CWC27: variants seen among roughly 807,000 people sequenced by gnomAD.
CWC27 encodes the protein spliceosome-associated protein CWC27 homolog.
In CWC27, 47 loss-of-function variants were observed where a neutral mutation model predicts 63.6. That is an observed-to-expected ratio of 0.74 (90% CI 0.58 to 0.94). The LOEUF is 0.94. Ranked by LOEUF, CWC27 falls within the 40% of genes least tolerant of loss-of-function variation. The probability of loss-of-function intolerance (pLI) is 0.00; values close to 1 mark genes in which losing one functional copy is unlikely to be tolerated. For missense variants in CWC27, 495 were observed against 554.3 expected (o/e 0.89, Z 1.07); for synonymous variants, 175 against 179.8 (o/e 0.97, Z 0.22).
At chr5:64,958,447 A>G (rs1281472907) in intron 11 of CWC27, among the ~76,000 whole-genome samples, 1 of 152,198 alleles carries the variant, frequency 6.6e-6, no homozygotes, top group African/African-American at 2.4e-5. Context: ...AGAACTTCAC[A>G]GTACTCAAAT....
intron 11 of CWC27, among the ~76,000 whole-genome samples, chr5:64,914,493 A>G (rs181699026): frequency 3.2e-4 from 48 of 152,274 alleles, no homozygotes; most frequent in Non-Finnish European, 6.0e-4. Context: ...GCGCTTCACA[A>G]AGGAAAATAT....
At chr5:64,847,861 C>T (rs924241736) in intron 10 of CWC27, among the ~76,000 whole-genome samples, 36 of 151,048 alleles carry the variant, frequency 2.4e-4, no homozygotes, top group South Asian at 4.2e-4. Context: ...CTAAGACTTA[C>T]GGGATACAGC....
At chr5:64,830,026 C>CT (rs112776096) in intron 10 of CWC27, among the ~76,000 whole-genome samples, 16 of 114,974 alleles carry the variant, frequency 1.4e-4, no homozygotes, top group Non-Finnish European at 1.7e-4. Flanking sequence ...CTTTTCCATT[C>CT]TTTTTTTTTT....
intron 11 of CWC27, among the ~76,000 whole-genome samples, chr5:64,916,120 C>A (rs2112384462): frequency 6.6e-6 from 1 of 152,290 alleles, no homozygotes; most frequent in East Asian, 1.9e-4. Flanking sequence ...TTAATATGCC[C>A]ACTAAAGATT....
In CWC27 at chr5:64,782,447, C is replaced by CAAATAAATAAATAAATAAATAAATAAAT. The variant is rs67366377; in HGVS notation, c.252+423_252+450dup. ...TGGGCGACAGAGCGAGACTCCGTCTCAAATAAATAAATAAATAAATAAATA... is the reference window on the plus strand; with the variant it reads ...TGGGCGACAGAGCGAGACTCCGTCTCAAATAAATAAATAAATAAATAAATAAATAAATAAATAAATAAATAAATAAATA... On this transcript the variant is annotated intron_variant, in intron 3 of 13. Transcript: ENST00000381070. Among the ~76,000 whole-genome samples, 418 of 139,830 alleles carry CAAATAAATAAATAAATAAATAAATAAAT rather than the reference C, an allele frequency of 3.0e-3. 4 individuals are homozygous for CAAATAAATAAATAAATAAATAAATAAAT. The highest frequency in any genetic ancestry group is 4.3e-3 in the Non-Finnish European group (278 of 64,608). The allele number at this position is 139,830 out of a possible 152,430, so 91.7% of individuals were successfully genotyped here.
At chr5:64,963,125 T>A (rs970044201) in intron 11 of CWC27, among the ~76,000 whole-genome samples, 2 of 151,024 alleles carry the variant, frequency 1.3e-5, no homozygotes, top group African/African-American at 4.9e-5. Context: ...ACCCAGCTAA[T>A]TTTTTTTTGT....
chr5:64,858,859 C>T (rs201634434), intron 10 of CWC27, among the ~76,000 whole-genome samples: 2 of 152,308 alleles, frequency 1.3e-5, no homozygotes, highest in African/African-American at 4.8e-5. Flanking sequence ...CATACATATT[C>T]TTTATGACCC....
At chr5:64,773,162 T>G (rs568226689) in intron 1 of CWC27, among the ~76,000 whole-genome samples, 1 of 152,158 alleles carries the variant, frequency 6.6e-6, no homozygotes, top group Admixed American at 6.5e-5. Flanking sequence ...ATGAAGACCA[T>G]TGGAAATATG....
chr5:64,982,385 GCAGT>G (rs1225290498), intron 13 of CWC27, among the ~76,000 whole-genome samples: 1 of 151,926 alleles, frequency 6.6e-6, no homozygotes, highest in Non-Finnish European at 1.5e-5. Context: ...GTGCACTGGT[GCAGT>G]CAAAGCTCAC....
chr5:64,816,457 T>C (rs1561420214), intron 10 of CWC27, among the ~76,000 whole-genome samples: 1 of 152,108 alleles, frequency 6.6e-6, no homozygotes, highest in African/African-American at 2.4e-5. Context: ...GAAACAGAAA[T>C]GTGTCAGACA....
At chr5:64,955,003 AG>A (rs1294426349) in intron 11 of CWC27, among the ~76,000 whole-genome samples, 1 of 152,098 alleles carries the variant, frequency 6.6e-6, no homozygotes, top group Non-Finnish European at 1.5e-5. Flanking sequence ...CTCAATTATG[AG>A]TTTTATTGGT....
intron 2 of CWC27, among the ~76,000 whole-genome samples, chr5:64,779,050 G>A (rs892881104): frequency 6.6e-6 from 1 of 152,148 alleles, no homozygotes; most frequent in African/African-American, 2.4e-5. Flanking sequence ...TATAAATTAT[G>A]TCAGTAACTG....
At chr5:64,898,644 TGCTGTTAAAAAAGAAAGA>T (rs980317012) in intron 11 of CWC27, among the ~76,000 whole-genome samples, 1 of 151,956 alleles carries the variant, frequency 6.6e-6, no homozygotes, top group Non-Finnish European at 1.5e-5. Flanking sequence ...CAAAAGAAGT[TGCTGTTAAAAAAGAAAGA>T]GGGAGAGAGA....
chr5:64,818,836 G>T (rs1745116927), intron 10 of CWC27, among the ~76,000 whole-genome samples: 1 of 152,272 alleles, frequency 6.6e-6, no homozygotes, highest in Non-Finnish European at 1.5e-5. Flanking sequence ...TCATTCTCAG[G>T]TAGGATTTCT....
At chr5:64,845,449 G>A (rs149330422) in intron 10 of CWC27, among the ~76,000 whole-genome samples, 1 of 152,220 alleles carries the variant, frequency 6.6e-6, no homozygotes, top group South Asian at 2.1e-4. Flanking sequence ...GATGTTCAGT[G>A]ATGTACAAGA....
chr5:64,886,445 A>G (rs1337679669), intron 11 of CWC27, among the ~76,000 whole-genome samples: 1 of 152,074 alleles, frequency 6.6e-6, no homozygotes, highest in Non-Finnish European at 1.5e-5. Flanking sequence ...TTGTACATAT[A>G]TATTCTATAT....
chr5:64,977,506 A>C (rs1749249340), intron 13 of CWC27, among the ~76,000 whole-genome samples: 1 of 152,226 alleles, frequency 6.6e-6, no homozygotes, highest in Non-Finnish European at 1.5e-5. Flanking sequence ...ATATGACACT[A>C]TCCCAGTTCT....
Position 64,847,578 on chromosome 5 carries a change from A to C in CWC27, c.939-37865A>C, listed in dbSNP as rs1325614030. On this transcript the variant is annotated intron_variant, in intron 10 of 13. Transcript: ENST00000381070. ...TTAAAACATTCCGTTCAACAGCAACAGAATACAAATTTTCCTTGAGGACAC... is the reference window on the plus strand; with the variant it reads ...TTAAAACATTCCGTTCAACAGCAACCGAATACAAATTTTCCTTGAGGACAC... Among the ~76,000 whole-genome samples, 3 of 152,318 alleles carry C rather than the reference A, an allele frequency of 2.0e-5. No individual in the cohort carries two copies. The East Asian group carries it at 5.8e-4, about 29-fold the overall frequency.
chr5:64,777,689 G>A (rs547546040), intron 2 of CWC27, among the ~76,000 whole-genome samples: 9 of 151,990 alleles, frequency 5.9e-5, no homozygotes, highest in African/African-American at 1.4e-4. Flanking sequence ...TATTATGAAC[G>A]TGCATAATGA....
Sources: gnomAD v4.1 joint callset for allele counts (sites outside exome capture counted in the v4.1 genomes callset) on GRCh38, gnomAD v4.1.1 for gene constraint, MANE v1.5 for transcripts, NCBI Gene and HGNC (gene_info 2026-07-23, HGNC 2026-07-21) for gene names.